ZFAND6: variants seen among roughly 807,000 people sequenced by gnomAD.
The protein encoded by ZFAND6 is AN1-type zinc finger protein 6.
A neutral mutation model predicts 24.5 loss-of-function variants in ZFAND6; 12 were observed. The observed-to-expected ratio is 0.49, with a 90% CI of 0.31 to 0.79. The LOEUF (loss-of-function observed/expected upper bound fraction) is 0.79, where lower values mean the gene tolerates loss of function less well. Among genes scored for constraint, ZFAND6 ranks in the 30% least tolerant of loss-of-function variants. ZFAND6 has a pLI of 0.04. For synonymous variants in ZFAND6, 92 were observed against 81.5 expected, an observed-to-expected ratio of 1.13 and a Z score of -0.69; for missense variants, 207 against 245.9, an observed-to-expected ratio of 0.84 and a Z score of 1.06.
intron 2 of ZFAND6, among the ~76,000 whole-genome samples, chr15:80,100,577 A>G (rs940917046): frequency 7.9e-5 from 12 of 152,224 alleles, no homozygotes; most frequent in African/African-American, 2.9e-4. Flanking sequence ...TAGAAAGTAC[A>G]TGTAGGAATA....
At position 80,080,783 on chromosome 15, in the gene ZFAND6, AAG is replaced by A. The variant is rs372523375; in HGVS notation, c.-180-17630_-180-17629del. 6.6e-5 allele frequency among the ~76,000 whole-genome samples: 10 copies of A among 152,344 alleles called. No homozygotes were observed. The East Asian group carries it at 1.9e-3, about 29-fold the overall frequency. On this transcript the variant is annotated intron_variant, in intron 1 of 6. Coordinates refer to ENST00000261749, the MANE Select transcript of ZFAND6 (RefSeq NM_019006.4). ...GAAGCTTACAATCACTGCGGAAGCA[AAG>A]AGGGAGCTGGTGCATCACATGACAA...
chr15:80,105,305 C>G (rs939576418), intron 2 of ZFAND6, among the ~76,000 whole-genome samples: 1 of 152,114 alleles, frequency 6.6e-6, no homozygotes, highest in Non-Finnish European at 1.5e-5. Context: ...ACGGTATCAT[C>G]TCAGGTGGAA....
intron 2 of ZFAND6, among the ~76,000 whole-genome samples, chr15:80,110,784 G>A (rs12911387): frequency 6.6e-6 from 1 of 151,932 alleles, no homozygotes; most frequent in Non-Finnish European, 1.5e-5. Flanking sequence ...ATATCCATAT[G>A]GAGAAAAGCA....
intron 2 of ZFAND6, among the ~76,000 whole-genome samples, chr15:80,110,269 C>T (rs1417316425): frequency 6.6e-6 from 1 of 152,090 alleles, no homozygotes; most frequent in Admixed American, 6.6e-5. Flanking sequence ...TGGGGCAGAC[C>T]ACCTAGGAGG....
At chr15:80,127,243 G>A (rs1199927667) in intron 5 of ZFAND6, among the ~76,000 whole-genome samples, 1 of 152,088 alleles carries the variant, frequency 6.6e-6, no homozygotes, top group Non-Finnish European at 1.5e-5. Context: ...AAGGATTTGA[G>A]TGGACATTTC....
chr15:80,117,225 CT>C (rs765032223), intron 2 of ZFAND6, among the ~76,000 whole-genome samples: 9 of 150,100 alleles, frequency 6.0e-5, no homozygotes, highest in African/African-American at 2.2e-4. Context: ...CTACTGAATA[CT>C]CTTTTTTTTT....
At chr15:80,071,326 G>T (rs1354558429) in intron 1 of ZFAND6, among the ~76,000 whole-genome samples, 1 of 152,148 alleles carries the variant, frequency 6.6e-6, no homozygotes, top group African/African-American at 2.4e-5. Context: ...TACATTGAAA[G>T]CATATTTTAA....
At chr15:80,066,937 C>G (rs902655772) in intron 1 of ZFAND6, among the ~76,000 whole-genome samples, 1 of 151,766 alleles carries the variant, frequency 6.6e-6, no homozygotes, top group Non-Finnish European at 1.5e-5. Flanking sequence ...TTTGAAGCCT[C>G]TTCCCCATCT....
intron 1 of ZFAND6, among the ~76,000 whole-genome samples, chr15:80,061,201 A>G (rs2036314344): frequency 6.6e-6 from 1 of 152,226 alleles, no homozygotes; most frequent in Non-Finnish European, 1.5e-5. Flanking sequence ...AAATGTGTTT[A>G]AAGGGAGACA....
chr15:80,104,822 CTTA>C (rs2039234860), intron 2 of ZFAND6, among the ~76,000 whole-genome samples: 1 of 151,994 alleles, frequency 6.6e-6, no homozygotes, highest in African/African-American at 2.4e-5. Flanking sequence ...GTATTTCTAA[CTTA>C]TTTTTTTTTA....
At chr15:80,114,425 T>A (rs2039768684) in intron 2 of ZFAND6, among the ~76,000 whole-genome samples, 1 of 152,138 alleles carries the variant, frequency 6.6e-6, no homozygotes, top group Non-Finnish European at 1.5e-5. Flanking sequence ...TCTGGGACAA[T>A]TATTATACAA....
At chr15:80,109,997 C>T (rs1431682077) in intron 2 of ZFAND6, among the ~76,000 whole-genome samples, 7 of 152,172 alleles carry the variant, frequency 4.6e-5, no homozygotes, top group Non-Finnish European at 1.0e-4. Flanking sequence ...TAGAGAAGAT[C>T]GGCTTCCTGG....
At chr15:80,063,587 T>G (rs1302251517) in intron 1 of ZFAND6, among the ~76,000 whole-genome samples, 2 of 150,994 alleles carry the variant, frequency 1.3e-5, no homozygotes, top group Admixed American at 1.3e-4. Context: ...AGACGGAATC[T>G]TACTCTGTTA....
intron 1 of ZFAND6, among the ~76,000 whole-genome samples, chr15:80,069,107 T>G (rs2036829489): frequency 6.6e-6 from 1 of 152,172 alleles, no homozygotes; most frequent in Non-Finnish European, 1.5e-5. Context: ...TATGTAATAT[T>G]TTATTTATTT....
chr15:80,130,941 G>A, intron 5 of ZFAND6: 1 of 393,494 alleles, frequency 2.5e-6, no homozygotes, highest in Non-Finnish European at 4.5e-6. Flanking sequence ...CCTAAAGAAA[G>A]TCTATAAAAC....
chr15:80,092,927 A>C (rs1291463515), intron 1 of ZFAND6, among the ~76,000 whole-genome samples: 1 of 151,012 alleles, frequency 6.6e-6, no homozygotes, highest in Non-Finnish European at 1.5e-5. Flanking sequence ...GTTAATATTT[A>C]GGCTTTATGT....
At chr15:80,089,363 A>G (rs561428174) in intron 1 of ZFAND6, among the ~76,000 whole-genome samples, 149 of 148,082 alleles carry the variant, frequency 1.0e-3, no homozygotes, top group African/African-American at 3.5e-3. Context: ...GGTTCAAGCA[A>G]TTCTCCTGTC....
intron 2 of ZFAND6, among the ~76,000 whole-genome samples, chr15:80,100,785 TA>T (rs2038986909): frequency 6.6e-6 from 1 of 152,214 alleles, no homozygotes; most frequent in Non-Finnish European, 1.5e-5. Context: ...TTGGGCTATA[TA>T]AGGCCATGTA....
intron 2 of ZFAND6, among the ~76,000 whole-genome samples, chr15:80,102,160 T>A (rs1246784480): frequency 6.7e-6 from 1 of 149,306 alleles, no homozygotes. Flanking sequence ...TTTTCATTTT[T>A]ATTTTTGAGA....
Sources: allele counts gnomAD v4.1 joint callset (sites outside exome capture counted in the v4.1 genomes callset), GRCh38; gene constraint gnomAD v4.1.1; transcripts MANE v1.5; gene names NCBI Gene and HGNC (gene_info 2026-07-23, HGNC 2026-07-21).